The following LAPTM4B variants were observed in gnomAD, a reference collection of about 807,000 sequenced individuals.
LAPTM4B encodes lysosomal protein transmembrane 4 beta.
Under a neutral mutation model 28.5 loss-of-function variants are expected in LAPTM4B, and 26 were observed. The ratio of observed to expected loss-of-function variants is 0.91; its 90% CI spans 0.67 to 1.27. LAPTM4B has a LOEUF of 1.27. Among genes scored for constraint, LAPTM4B ranks in the 50% most tolerant of loss-of-function variants. The probability of loss-of-function intolerance (pLI) is 0.00; values close to 1 mark genes in which losing one functional copy is unlikely to be tolerated. For synonymous variants in LAPTM4B, 109 were observed against 106.4 expected, an observed-to-expected ratio of 1.02 and a Z score of -0.15; for missense variants, 288 against 285.8, an observed-to-expected ratio of 1.01 and a Z score of -0.06.
At chr8:97,799,061 T>G (rs1006865168) in intron 1 of LAPTM4B, among the ~76,000 whole-genome samples, 27 of 152,186 alleles carry the variant, frequency 1.8e-4, no homozygotes, top group Admixed American at 1.1e-3. Context: ...TTACTGTATC[T>G]CTAGTAATTC....
intron 5 of LAPTM4B, among the ~76,000 whole-genome samples, chr8:97,823,267 ATGCATGTGGCCT>A (rs1410655333): frequency 2.6e-5 from 4 of 151,950 alleles, no homozygotes; most frequent in Non-Finnish European, 5.9e-5. Flanking sequence ...TAGTAGGTGA[ATGCATGTGGCCT>A]TGCAAAGGCC....
rs7003382 is a variant in LAPTM4B, at chr8:97,801,937, T to A, written c.100-3416T>A. On this transcript the variant is annotated intron_variant, in intron 1 of 6. Coordinates refer to ENST00000521545, the MANE Select transcript of LAPTM4B (RefSeq NM_018407.6). ...TCTTTGCCATAAATCTTAATGCCAG[T>A]TGTGGGACTGGCCTGTGGCTCCTTT... 6.1e-3 allele frequency among the ~76,000 whole-genome samples: 931 copies of A among 152,222 alleles called. 7 individuals carry two copies. Among genetic ancestry groups the A allele is most frequent in the African/African-American group, 0.021 (877 of 41,564 alleles).
chr8:97,808,769 G>A (rs1054380372), intron 2 of LAPTM4B, among the ~76,000 whole-genome samples: 4 of 151,944 alleles, frequency 2.6e-5, no homozygotes, highest in African/African-American at 7.3e-5. Context: ...GACCAGCCTG[G>A]CCAACATGGC....
At chr8:97,842,884 CT>C (rs375838290) in intron 6 of LAPTM4B, among the ~76,000 whole-genome samples, 45 of 143,842 alleles carry the variant, frequency 3.1e-4, no homozygotes, top group South Asian at 6.7e-4. Context: ...TATATAATAT[CT>C]TTTTTTTTTT....
intron 6 of LAPTM4B, among the ~76,000 whole-genome samples, chr8:97,842,659 C>T (rs1458591927): frequency 6.6e-6 from 1 of 152,084 alleles, no homozygotes; most frequent in African/African-American, 2.4e-5. Flanking sequence ...GTTGGGACTA[C>T]AGGCGCCCGC....
At chr8:97,841,568 T>A (rs1817350070) in intron 6 of LAPTM4B, among the ~76,000 whole-genome samples, 3 of 152,212 alleles carry the variant, frequency 2.0e-5, no homozygotes, top group African/African-American at 7.2e-5. Flanking sequence ...CCTCAGGTGA[T>A]CCACCTGCCT....
chr8:97,781,687 C>T (rs1403920208), intron 1 of LAPTM4B, among the ~76,000 whole-genome samples: 1 of 152,196 alleles, frequency 6.6e-6, no homozygotes, highest in Non-Finnish European at 1.5e-5. Context: ...TGCTGTTTCC[C>T]AGTTAATCCC....
intron 6 of LAPTM4B, among the ~76,000 whole-genome samples, chr8:97,846,232 G>T (rs765719026): frequency 2.0e-5 from 3 of 151,706 alleles, no homozygotes; most frequent in African/African-American, 4.8e-5. Context: ...TTCATATTTT[G>T]GGAAATGTAA....
chr8:97,823,076 T>G (rs1260947955), intron 5 of LAPTM4B, among the ~76,000 whole-genome samples: 2 of 152,048 alleles, frequency 1.3e-5, no homozygotes, highest in East Asian at 3.9e-4. Context: ...CTCCTGACTT[T>G]GTGATCCGCC....
chr8:97,837,057 G>A (rs1817270463), intron 6 of LAPTM4B, among the ~76,000 whole-genome samples: 1 of 152,074 alleles, frequency 6.6e-6, no homozygotes, highest in Admixed American at 6.6e-5. Flanking sequence ...ATTAATTAAG[G>A]CTGACCTTGG....
intron 6 of LAPTM4B, among the ~76,000 whole-genome samples, chr8:97,829,685 TTTTC>T (rs1817149630): frequency 6.6e-6 from 1 of 151,240 alleles, no homozygotes; most frequent in African/African-American, 2.4e-5. Context: ...TGAATTTTTC[TTTTC>T]TTTCTTCTTT....
intron 5 of LAPTM4B, 142 bp downstream of exon 5, chr8:97,819,380 A>C (rs1563613956): frequency 3.4e-6 from 2 of 595,894 alleles, no homozygotes; most frequent in African/African-American, 1.9e-5. Flanking sequence ...ACAATTCTTT[A>C]TGCTGTCTAT....
Position 97,817,870 on chromosome 8 carries a change from G to A in LAPTM4B, c.409-1270G>A, listed in dbSNP as rs140537981. On this transcript the variant is annotated intron_variant, in intron 4 of 6. Coordinates refer to ENST00000521545, the MANE Select transcript of LAPTM4B (RefSeq NM_018407.6). The stretch of plus-strand genomic sequence containing the variant: ...CTCCCAAAGTGCTGAGATTACAGGC[G>A]TGAGCCACCATGCCCAGCCTGCAAC... 7.8e-3 allele frequency among the ~76,000 whole-genome samples: 1,182 copies of A among 151,192 alleles called. 10 individuals are homozygous for A. The highest frequency in any genetic ancestry group is 0.027 in the African/African-American group (1,122 of 41,166).
In LAPTM4B at chr8:97,824,935, T is replaced by C. The variant is rs569472219; in HGVS notation, c.508-123T>C. 5.3e-5 allele frequency: 32 copies of C among 600,592 alleles called. 1 individual carries two copies. The highest frequency in any genetic ancestry group is 6.7e-4 in the Middle Eastern group (2 of 2,982). The allele number at this position is 600,592 out of a possible 1,614,324, so 37.2% of individuals were successfully genotyped here. A position where few individuals can be genotyped will look rare whatever the true frequency, so the allele number is the denominator to read the frequency against. On this transcript the variant is annotated intron_variant, in intron 5 of 6. Coordinates refer to ENST00000521545, the MANE Select transcript of LAPTM4B (RefSeq NM_018407.6). ...AGGGACTTTTGGTTTAGTAGAGCTG[T>C]TATAATATGTGCATTTATTGCTTAT...
At chr8:97,826,182 T>C (rs11998192) in intron 6 of LAPTM4B, among the ~76,000 whole-genome samples, 4,313 of 152,270 alleles carry the variant, frequency 0.028, 205 homozygotes, top group African/African-American at 0.099. Flanking sequence ...CTCTGTGTGA[T>C]AGCTAAAGCA....
chr8:97,836,878 A>G (rs981278603), intron 6 of LAPTM4B, among the ~76,000 whole-genome samples: 4 of 152,064 alleles, frequency 2.6e-5, no homozygotes, highest in Non-Finnish European at 4.4e-5. Context: ...AACTGCTTGA[A>G]AAACGCAATT....
At chr8:97,832,934 G>A in intron 6 of LAPTM4B, among the ~76,000 whole-genome samples, 1 of 150,278 alleles carries the variant, frequency 6.7e-6, no homozygotes, top group Admixed American at 6.6e-5. Flanking sequence ...TCGAACTCCT[G>A]ACCTCAAGTG....
intron 6 of LAPTM4B, among the ~76,000 whole-genome samples, chr8:97,842,685 A>G (rs2129849517): frequency 6.6e-6 from 1 of 151,676 alleles, no homozygotes; most frequent in East Asian, 1.9e-4. Context: ...CGCCTAGCTA[A>G]TTTTTGTATT....
chr8:97,782,539 A>G (rs1299947970), intron 1 of LAPTM4B, among the ~76,000 whole-genome samples: 6 of 151,328 alleles, frequency 4.0e-5, no homozygotes, highest in Non-Finnish European at 2.9e-5. Flanking sequence ...CCCGGGTTCA[A>G]GCGATTCTCC....
Sources: gnomAD v4.1 joint callset for allele counts (sites outside exome capture counted in the v4.1 genomes callset) on GRCh38, gnomAD v4.1.1 for gene constraint, MANE v1.5 for transcripts, NCBI Gene and HGNC (gene_info 2026-07-23, HGNC 2026-07-21) for gene names.